The following PLXNA2 variants were observed in gnomAD, a reference collection of about 807,000 sequenced individuals.
PLXNA2 encodes the protein plexin-A2.
A neutral mutation model predicts 193.5 loss-of-function variants in PLXNA2; 91 were observed. That is an observed-to-expected ratio of 0.47 (90% CI 0.40 to 0.56). The LOEUF (loss-of-function observed/expected upper bound fraction) is 0.56. Among genes scored for constraint, PLXNA2 ranks in the 20% least tolerant of loss-of-function variants. The pLI is 0.00. For synonymous variants in PLXNA2, 997 were observed against 1,027.3 expected (o/e 0.97, Z 0.56); for missense variants, 1,995 against 2,503.2 (o/e 0.80, Z 4.33).
intron 1 of PLXNA2, among the ~76,000 whole-genome samples, chr1:208,232,958 T>C (rs1572060311): frequency 6.6e-6 from 1 of 152,206 alleles, no homozygotes; most frequent in East Asian, 1.9e-4. Flanking sequence ...TTAGGGTGGG[T>C]GGAGACCTCA....
intron 2 of PLXNA2, among the ~76,000 whole-genome samples, chr1:208,213,164 T>TA (rs57234892): frequency 0.064 from 9,489 of 147,750 alleles, 399 homozygotes; most frequent in East Asian, 0.15. Context: ...CCAGAACTAT[T>TA]AAAAAAAAAA....
intron 1 of PLXNA2, among the ~76,000 whole-genome samples, chr1:208,228,507 A>T (rs1171056227): frequency 2.6e-5 from 4 of 152,184 alleles, no homozygotes; most frequent in Non-Finnish European, 5.9e-5. Context: ...CAGATCTGCA[A>T]GTTGTGCCTT....
intron 12 of PLXNA2, among the ~76,000 whole-genome samples, chr1:208,075,329 G>T (rs1170985962): frequency 6.6e-6 from 1 of 151,404 alleles, no homozygotes; most frequent in African/African-American, 2.4e-5. Flanking sequence ...AAAATAATAA[G>T]AAAAGAAAAT....
intron 12 of PLXNA2, among the ~76,000 whole-genome samples, chr1:208,064,955 A>G (rs1005383483): frequency 6.6e-6 from 1 of 151,634 alleles, no homozygotes; most frequent in Non-Finnish European, 1.5e-5. Flanking sequence ...CAGGGCACCC[A>G]GGGTTGCATT....
intron 3 of PLXNA2, among the ~76,000 whole-genome samples, chr1:208,171,812 C>T (rs1669503117): frequency 6.6e-6 from 1 of 152,042 alleles, no homozygotes; most frequent in Non-Finnish European, 1.5e-5. Context: ...GCCATGATTG[C>T]ATCACTGCAT....
intron 1 of PLXNA2, among the ~76,000 whole-genome samples, chr1:208,234,893 C>A (rs1007121689): frequency 2.6e-5 from 4 of 151,972 alleles, no homozygotes; most frequent in African/African-American, 9.7e-5. Context: ...GTGTGACTCA[C>A]GGCAATGCAC....
chr1:208,191,797 G>A (rs987785910), intron 3 of PLXNA2, among the ~76,000 whole-genome samples: 2 of 152,198 alleles, frequency 1.3e-5, no homozygotes, highest in African/African-American at 4.8e-5. Context: ...TGAAGCACAT[G>A]GGGGCTTCCT....
At chr1:208,070,251 G>C (rs1338994380) in intron 12 of PLXNA2, among the ~76,000 whole-genome samples, 3 of 152,158 alleles carry the variant, frequency 2.0e-5, no homozygotes, top group Non-Finnish European at 4.4e-5. Context: ...TTAAGACATG[G>C]CTAAGGCCAT....
Position 208,082,480 on chromosome 1 carries a change from T to C in PLXNA2, c.2327A>G (p.Asn776Ser), listed in dbSNP as rs779797934. 3 of 1,614,090 alleles carry C rather than the reference T, an allele frequency of 1.9e-6. No homozygotes were observed. The highest frequency in any genetic ancestry group is 1.1e-5 in the South Asian group (1 of 91,068). Residue 776 changes from asparagine (N) to serine (S), a missense_variant, in exon 11 of 32, where the codon AAT (asparagine) becomes AGT (serine). By Grantham distance (46) the Asn-to-Ser change is conservative. Around this residue, in one of 3 missense-constraint regions of PLXNA2, gnomAD observed 1,291 missense variants for 1,673.6 expected, o/e 0.77. Transcript: ENST00000367033. This position sits in a 1 kb window ranked among gnomAD's most constrained non-coding sequence, Gnocchi z 4.2. ...SYQYDGMDIS[N>S]LAVDFAVVWN... ...CACCACAGCGAAATCCACGGCCAGA[T>C]TGCTGATGTCCATGCCATCATACTG... is the stretch of plus-strand genomic sequence containing the variant.
At chr1:208,207,315 G>T (rs1361938357) in intron 3 of PLXNA2, among the ~76,000 whole-genome samples, 1 of 152,204 alleles carries the variant, frequency 6.6e-6, no homozygotes, top group East Asian at 1.9e-4. Flanking sequence ...CTCACATACA[G>T]GTTTTGGGGA....
chr1:208,168,660 C>T (rs1348695071), intron 3 of PLXNA2, among the ~76,000 whole-genome samples: 1 of 149,676 alleles, frequency 6.7e-6, no homozygotes, highest in African/African-American at 2.4e-5. Flanking sequence ...TCAGCAGGCC[C>T]TCAGAGACTA....
rs368456411 is a variant in PLXNA2, at chr1:208,045,059, T to G, written c.3639+8A>C. Reference sequence around the variant, plus strand: ...GAAGGAGGCATTACAGACGCAGGGCTCACTCACCATGACCTTGTGCTGCCC... The same window carrying G: ...GAAGGAGGCATTACAGACGCAGGGCGCACTCACCATGACCTTGTGCTGCCC... On this transcript the variant is annotated splice_region_variant and intron_variant, in intron 19 of 31. Coordinates refer to ENST00000367033, the MANE Select transcript of PLXNA2 (RefSeq NM_025179.4). 2.0e-5 allele frequency: 32 copies of G among 1,613,800 alleles called. No homozygotes were observed. The highest frequency in any genetic ancestry group is 2.7e-5 in the African/African-American group (2 of 74,844).
intron 12 of PLXNA2, among the ~76,000 whole-genome samples, chr1:208,077,536 T>C (rs1299089690): frequency 1.3e-5 from 2 of 152,124 alleles, no homozygotes; most frequent in African/African-American, 4.8e-5. Flanking sequence ...CTCTGCCTAA[T>C]TTAAGCTCCC....
chr1:208,045,064 C>G lies in PLXNA2; in HGVS notation c.3639+3G>C. 6.2e-7 allele frequency: 1 copy of G among 1,614,044 alleles called. No homozygotes were observed. Among genetic ancestry groups the G allele is most frequent in the Non-Finnish European group, 8.5e-7 (1 of 1,180,010 alleles). On this transcript the variant is annotated splice_donor_region_variant and intron_variant, in intron 19 of 31. Coordinates refer to ENST00000367033, the MANE Select transcript of PLXNA2 (RefSeq NM_025179.4). ...AGGCATTACAGACGCAGGGCTCACT[C>G]ACCATGACCTTGTGCTGCCCGGTGA...
chr1:208,183,074 A>G (rs1341747703), intron 3 of PLXNA2, among the ~76,000 whole-genome samples: 2 of 152,206 alleles, frequency 1.3e-5, no homozygotes, highest in Non-Finnish European at 2.9e-5. Flanking sequence ...ATAGGGAGGG[A>G]AAGTTCCTCT....
chr1:208,070,741 G>T (rs1665951144), intron 12 of PLXNA2, among the ~76,000 whole-genome samples: 2 of 152,120 alleles, frequency 1.3e-5, no homozygotes, highest in African/African-American at 4.8e-5. Flanking sequence ...TGTAAAATGG[G>T]TCTAATGACA....
intron 3 of PLXNA2, among the ~76,000 whole-genome samples, chr1:208,172,077 G>C (rs1669513499): frequency 6.7e-6 from 1 of 149,866 alleles, no homozygotes; most frequent in Admixed American, 6.6e-5. Context: ...ATGTTGTGCA[G>C]TGAGATAAGC....
intron 12 of PLXNA2, among the ~76,000 whole-genome samples, chr1:208,067,401 C>T (rs1003328241): frequency 2.0e-5 from 3 of 149,368 alleles, no homozygotes; most frequent in African/African-American, 7.4e-5. Flanking sequence ...AAGAAGGAAA[C>T]AATTTTTTAA....
intron 2 of PLXNA2, among the ~76,000 whole-genome samples, chr1:208,211,048 G>A (rs1670926777): frequency 6.6e-6 from 1 of 152,224 alleles, no homozygotes; most frequent in African/African-American, 2.4e-5. Context: ...ATACTGGAAA[G>A]AGATCAGAAG....
Sources: gnomAD v4.1 joint callset for allele counts (sites outside exome capture counted in the v4.1 genomes callset) on GRCh38, gnomAD v4.1.1 for gene constraint, gnomAD v4.1.1 regional missense constraint, Gnocchi (gnomAD v3.1) non-coding constraint, MANE v1.5 for transcripts, NCBI Gene and HGNC (gene_info 2026-07-23, HGNC 2026-07-21) for gene names.